The following PIP4K2A variants were observed in gnomAD, a reference collection of about 807,000 sequenced individuals.
PIP4K2A encodes the protein phosphatidylinositol 5-phosphate 4-kinase type-2 alpha.
In PIP4K2A, 14 loss-of-function variants were observed where a neutral mutation model predicts 42.9. That is an observed-to-expected ratio of 0.33 (90% CI 0.22 to 0.51). The LOEUF (loss-of-function observed/expected upper bound fraction) is 0.51. Among genes scored for constraint, PIP4K2A ranks in the 20% least tolerant of loss-of-function variants. The probability of loss-of-function intolerance (pLI) is 0.97; values close to 1 mark genes in which losing one functional copy is unlikely to be tolerated. For missense variants in PIP4K2A, 434 were observed against 519.8 expected (o/e 0.83, Z 1.61); for synonymous variants, 192 against 192.2 (o/e 1.00, Z 0.01).
intron 6 of PIP4K2A, among the ~76,000 whole-genome samples, chr10:22,564,071 T>G (rs1260568588): frequency 6.6e-6 from 1 of 152,230 alleles, no homozygotes; most frequent in Non-Finnish European, 1.5e-5. Context: ...ATAAAGGGAC[T>G]AAACACTTTT....
chr10:22,664,156 T>TATATATATATAC (rs1357878254), intron 1 of PIP4K2A, among the ~76,000 whole-genome samples: 1 of 59,540 alleles, frequency 1.7e-5, no homozygotes, highest in African/African-American at 1.8e-4. Context: ...TATATACACA[T>TATATATATATAC]ATATATATAT....
rs57477195 is a variant in PIP4K2A at position 22,582,891 on chromosome 10, T to TAA, written c.492+8736_492+8737dup. On this transcript the variant is annotated intron_variant, in intron 4 of 9. Coordinates refer to ENST00000376573, the MANE Select transcript of PIP4K2A (RefSeq NM_005028.5). Reference sequence around the variant, plus strand: ...AATTTGATTTCAAATCGTCTTGAAGTAAAAAAAAAAAAAAAAAAAAAGTAA... The same window carrying TAA: ...AATTTGATTTCAAATCGTCTTGAAGTAAAAAAAAAAAAAAAAAAAAAAAGTAA... 1.2e-3 allele frequency among the ~76,000 whole-genome samples: 140 copies of TAA among 118,656 alleles called. 1 individual carries two copies. Among genetic ancestry groups the TAA allele is most frequent in the African/African-American group, 4.2e-3 (135 of 32,304 alleles). The allele number at this position is 118,656 out of a possible 152,430, so 77.8% of individuals were successfully genotyped here.
rs1835906861 is a variant in PIP4K2A, at chr10:22,535,898, AATCCTTT to A, written c.*1296_*1302del. On this transcript the variant is annotated 3_prime_UTR_variant, in exon 10 of 10. Transcript: ENST00000376573. ...TAAATGTACATTTGGAGGAAAAAAA[AATCCTTT>A]TCCTTTTATTGTGAAAGACTGTCTA... The A allele has an allele frequency of 2.6e-6, 1 of 384,742 alleles. No homozygotes were observed. The highest frequency in any genetic ancestry group is 4.6e-6 in the Non-Finnish European group (1 of 217,484). The allele number at this position is 384,742 out of a possible 1,614,324, so 23.8% of individuals were successfully genotyped here. A position where few individuals can be genotyped will look rare whatever the true frequency, so the allele number is the denominator to read the frequency against.
Position 22,714,363 on chromosome 10 carries a change from G to C in PIP4K2A, c.-37C>G, listed in dbSNP as rs757181670. On this transcript the variant is annotated 5_prime_UTR_variant, in exon 1 of 10. Transcript: ENST00000376573. ...ATGTCCCCTCCACCGCCGTGCTCCC[G>C]AGGCCGGGGACCCGCCCTCTCTACA... 8.7e-6 allele frequency: 13 copies of C among 1,493,932 alleles called. No individual in the cohort carries two copies. In the South Asian group the frequency reaches 1.2e-4, roughly 14 times the overall value. The allele number at this position is 1,493,932 out of a possible 1,614,324, so 92.5% of individuals were successfully genotyped here. A position where few individuals can be genotyped will look rare whatever the true frequency, so the allele number is the denominator to read the frequency against.
chr10:22,590,067 G>C (rs1448410800), intron 4 of PIP4K2A, among the ~76,000 whole-genome samples: 2 of 152,150 alleles, frequency 1.3e-5, no homozygotes, highest in Non-Finnish European at 2.9e-5. Context: ...GAGTGCTTTT[G>C]ATCCTATCCC....
chr10:22,598,088 T>C (rs1415582602), intron 3 of PIP4K2A, among the ~76,000 whole-genome samples: 1 of 152,186 alleles, frequency 6.6e-6, no homozygotes, highest in Non-Finnish European at 1.5e-5. Context: ...CTGGGCACAG[T>C]GGCTAATGCC....
rs1056773516 is a variant in PIP4K2A at position 22,586,950 on chromosome 10, T to C, written c.492+4679A>G. Among the ~76,000 whole-genome samples the C allele has an allele frequency of 3.3e-5, 5 of 152,006 alleles. 1 individual carries two copies. Among genetic ancestry groups the C allele is most frequent in the Non-Finnish European group, 7.4e-5 (5 of 67,972 alleles). Reference sequence around the variant, plus strand: ...TATCCAAATATTATAGACCAAGAGGTGTCAAAAGTATAAGTAAATTGCCCA... The same window carrying C: ...TATCCAAATATTATAGACCAAGAGGCGTCAAAAGTATAAGTAAATTGCCCA... On this transcript the variant is annotated intron_variant, in intron 4 of 9. Transcript: ENST00000376573.
chr10:22,603,722 C>G (rs568432015), intron 3 of PIP4K2A, among the ~76,000 whole-genome samples: 90 of 152,242 alleles, frequency 5.9e-4, no homozygotes, highest in Middle Eastern at 3.4e-3. Flanking sequence ...AATCCCAGAC[C>G]TCAGGGTGAT....
chr10:22,660,078 GAT>G, intron 1 of PIP4K2A, among the ~76,000 whole-genome samples: 1 of 152,088 alleles, frequency 6.6e-6, no homozygotes, highest in African/African-American at 2.4e-5. Context: ...TTGCTACACA[GAT>G]GTGGGCCCCT....
intron 1 of PIP4K2A, among the ~76,000 whole-genome samples, chr10:22,612,008 G>A (rs999896001): frequency 2.0e-5 from 3 of 152,230 alleles, no homozygotes; most frequent in African/African-American, 7.2e-5. Context: ...TCTCAGACAG[G>A]AAACAGGAAA....
chr10:22,620,682 C>T (rs975595913), intron 1 of PIP4K2A, among the ~76,000 whole-genome samples: 3 of 152,234 alleles, frequency 2.0e-5, no homozygotes, highest in Non-Finnish European at 4.4e-5. Flanking sequence ...CATCACTCAT[C>T]TGGTGCTGAG....
At chr10:22,573,049 C>A (rs892835208) in intron 5 of PIP4K2A, among the ~76,000 whole-genome samples, 1 of 152,306 alleles carries the variant, frequency 6.6e-6, no homozygotes, top group East Asian at 1.9e-4. Context: ...TTTGTTCATC[C>A]CATCACTTCC....
At chr10:22,642,705 C>T (rs540891585) in intron 1 of PIP4K2A, among the ~76,000 whole-genome samples, 18 of 141,230 alleles carry the variant, frequency 1.3e-4, no homozygotes, top group Middle Eastern at 4.0e-3. Context: ...AACAGGTTTG[C>T]CTCTTATAGA....
intron 7 of PIP4K2A, among the ~76,000 whole-genome samples, chr10:22,550,333 C>T (rs1836373040): frequency 6.6e-6 from 1 of 152,380 alleles, no homozygotes; most frequent in South Asian, 2.1e-4. Flanking sequence ...CCCCTGGCCC[C>T]TCCCAAACTG....
intron 4 of PIP4K2A, among the ~76,000 whole-genome samples, chr10:22,583,555 G>T (rs1486350958): frequency 6.6e-6 from 1 of 152,186 alleles, no homozygotes; most frequent in Non-Finnish European, 1.5e-5. Context: ...TTAGCATGGT[G>T]GGGGAGTGGG....
chr10:22,676,800 A>G (rs1003113207), intron 1 of PIP4K2A, among the ~76,000 whole-genome samples: 4 of 152,198 alleles, frequency 2.6e-5, no homozygotes, highest in African/African-American at 9.6e-5. Context: ...TTCTTAGCAG[A>G]GGAGGAAGCC....
At chr10:22,649,273 A>G (rs1564455010) in intron 1 of PIP4K2A, among the ~76,000 whole-genome samples, 1 of 152,208 alleles carries the variant, frequency 6.6e-6, no homozygotes, top group South Asian at 2.1e-4. Flanking sequence ...ATGGGTCTAT[A>G]ATGTCTGTTT....
chr10:22,590,653 CAA>C (rs1269265904), intron 4 of PIP4K2A, among the ~76,000 whole-genome samples: 1 of 152,132 alleles, frequency 6.6e-6, no homozygotes, highest in Non-Finnish European at 1.5e-5. Context: ...TGCTTGAGCC[CAA>C]GAGTTCAAGA....
intron 1 of PIP4K2A, among the ~76,000 whole-genome samples, chr10:22,647,459 G>A (rs575672014): frequency 1.3e-4 from 20 of 151,958 alleles, no homozygotes; most frequent in Non-Finnish European, 2.2e-4. Flanking sequence ...TGAAAGGACC[G>A]AGGTGGAGAA....
Sources: allele counts gnomAD v4.1 joint callset (sites outside exome capture counted in the v4.1 genomes callset), GRCh38; gene constraint gnomAD v4.1.1; transcripts MANE v1.5; gene names NCBI Gene and HGNC (gene_info 2026-07-23, HGNC 2026-07-21).